CCDC7: variants seen among roughly 807,000 people sequenced by gnomAD.
CCDC7 encodes coiled-coil domain containing 7, also known as coiled-coil domain-containing protein 7.
CCDC7 carries 183 observed loss-of-function variants against 196.9 expected under a neutral mutation model. The observed-to-expected ratio is 0.93, with a 90% CI of 0.82 to 1.05. The LOEUF (loss-of-function observed/expected upper bound fraction) is 1.05, where lower values mean the gene tolerates loss of function less well. CCDC7 is among the 50% of genes least tolerant of loss of function. The probability of loss-of-function intolerance (pLI) is 0.00; values close to 1 mark genes in which losing one functional copy is unlikely to be tolerated. For synonymous variants in CCDC7, 525 were observed against 484.6 expected (o/e 1.08, Z -1.10); for missense variants, 1,540 against 1,482.2 (o/e 1.04, Z -0.64).
intron 11 of CCDC7, among the ~76,000 whole-genome samples, chr10:32,525,837 T>C (rs796351792): frequency 7.9e-5 from 12 of 152,340 alleles, no homozygotes; most frequent in African/African-American, 2.6e-4. Context: ...ACTTTTCTTT[T>C]TTTCCCTTAC....
exon 1 of CCDC7, chr10:32,451,742 G>A (rs2033124986): frequency 6.2e-7 from 1 of 1,614,070 alleles, no homozygotes; most frequent in Non-Finnish European, 8.5e-7. Flanking sequence ...ATTATCACCT[G>A]AGCTAAAGGA....
intron 13 of CCDC7, among the ~76,000 whole-genome samples, chr10:32,549,396 G>A (rs577005244): frequency 2.6e-5 from 4 of 152,110 alleles, no homozygotes; most frequent in Admixed American, 6.5e-5. Context: ...TCCTTTTGCC[G>A]TGCAAAAGCT....
intron 24 of CCDC7, among the ~76,000 whole-genome samples, chr10:32,704,505 A>G (rs1358651128): frequency 6.6e-6 from 1 of 152,156 alleles, no homozygotes; most frequent in Non-Finnish European, 1.5e-5. Flanking sequence ...CTCAAACTCC[A>G]TGCTGGGAGA....
At chr10:32,575,450 T>G (rs2058084404) in intron 16 of CCDC7, among the ~76,000 whole-genome samples, 1 of 152,142 alleles carries the variant, frequency 6.6e-6, no homozygotes, top group Non-Finnish European at 1.5e-5. Context: ...CTGTCATTAT[T>G]CCGTAGAGAA....
intron 9 of CCDC7, among the ~76,000 whole-genome samples, chr10:32,501,640 C>T (rs1426696489): frequency 5.3e-5 from 8 of 152,182 alleles, no homozygotes; most frequent in Non-Finnish European, 7.4e-5. Flanking sequence ...CCACTCCAGA[C>T]CCTGTTTGCC....
chr10:32,470,279 T>A (rs2037682786), intron 5 of CCDC7, among the ~76,000 whole-genome samples: 1 of 152,206 alleles, frequency 6.6e-6, no homozygotes, highest in Non-Finnish European at 1.5e-5. Flanking sequence ...GATGTCTACA[T>A]GGGTGGATCT....
chr10:32,451,908 A>C (rs1485613744), exon 1 of CCDC7: 1 of 1,611,684 alleles, frequency 6.2e-7, no homozygotes, highest in African/African-American at 1.3e-5. Flanking sequence ...AAAATTATCA[A>C]ACATCTGAAG....
chr10:32,795,941 C>G (rs1021050118), intron 29 of CCDC7, among the ~76,000 whole-genome samples: 1 of 152,158 alleles, frequency 6.6e-6, no homozygotes, highest in Non-Finnish European at 1.5e-5. Context: ...TAAATTTTCT[C>G]TTGCTGCGTT....
chr10:32,824,616 A>G lies in CCDC7; in HGVS notation c.3268+12A>G. The G allele has an allele frequency of 6.4e-7, 1 of 1,570,752 alleles. No individual in the cohort carries two copies. The highest frequency in any genetic ancestry group is 1.4e-5 in the African/African-American group (1 of 73,792). On this transcript the variant is annotated intron_variant, in intron 32 of 41. Coordinates refer to ENST00000639629, the Ensembl canonical transcript of CCDC7. ...AAAGAGTTACCCTGGTAAGAATAAG[A>G]ATTTTTAAAATCTACTTATGGTTTC...
At chr10:32,536,043 G>C (rs2050434898) in intron 11 of CCDC7, among the ~76,000 whole-genome samples, 2 of 152,148 alleles carry the variant, frequency 1.3e-5, no homozygotes, top group South Asian at 4.1e-4. Context: ...TTCAGCAAGA[G>C]AGAGAAAAGG....
At chr10:32,613,632 C>T (rs1328286305) in intron 18 of CCDC7, among the ~76,000 whole-genome samples, 2 of 152,142 alleles carry the variant, frequency 1.3e-5, no homozygotes, top group African/African-American at 4.8e-5. Context: ...TCATTTGTTT[C>T]CAAGAACTTA....
At chr10:32,671,864 C>T (rs980970603) in intron 21 of CCDC7, among the ~76,000 whole-genome samples, 2 of 152,070 alleles carry the variant, frequency 1.3e-5, no homozygotes, top group Non-Finnish European at 2.9e-5. Context: ...ACAAAGATTT[C>T]GAGGATCCTC....
intron 25 of CCDC7, chr10:32,725,329 G>T (rs1300427307): frequency 4.2e-6 from 2 of 470,738 alleles, no homozygotes; most frequent in Admixed American, 2.4e-5. Flanking sequence ...CCTACTAAAA[G>T]AATTTCATGA....
chr10:32,683,532 T>C (rs1446790710), intron 21 of CCDC7, among the ~76,000 whole-genome samples: 1 of 152,148 alleles, frequency 6.6e-6, no homozygotes, highest in Non-Finnish European at 1.5e-5. Flanking sequence ...TGTAGTTTGA[T>C]AGGAATAGCA....
intron 29 of CCDC7, among the ~76,000 whole-genome samples, chr10:32,801,779 G>C (rs745661996): frequency 6.6e-6 from 1 of 152,168 alleles, no homozygotes; most frequent in East Asian, 1.9e-4. Flanking sequence ...GCAGTGCAGG[G>C]TTAATTTCCT....
In CCDC7 at chr10:32,620,149, C is replaced by T. The variant is rs547816972; in HGVS notation, c.1802-14105C>T. 1.4e-3 allele frequency among the ~76,000 whole-genome samples: 218 copies of T among 151,854 alleles called. 1 individual carries two copies. The highest frequency in any genetic ancestry group is 5.0e-3 in the African/African-American group (207 of 41,364). On this transcript the variant is annotated intron_variant, in intron 18 of 41. Transcript: ENST00000639629. Reference sequence around the variant, plus strand: ...TGTTGGCCAGGCTGGTCTCGATCTCCTGGCCTCAAATGATCCACCCGTCTT... The same window carrying T: ...TGTTGGCCAGGCTGGTCTCGATCTCTTGGCCTCAAATGATCCACCCGTCTT...
At chr10:32,488,270 A>G (rs1220752067) in intron 8 of CCDC7, among the ~76,000 whole-genome samples, 2 of 152,208 alleles carry the variant, frequency 1.3e-5, no homozygotes, top group African/African-American at 4.8e-5. Flanking sequence ...CCGTGGGCGC[A>G]GGACCCTCCA....
At chr10:32,882,252 G>A (rs2094817217) in intron 22 of CCDC7, among the ~76,000 whole-genome samples, 1 of 152,242 alleles carries the variant, frequency 6.6e-6, no homozygotes, top group African/African-American at 2.4e-5. Context: ...CAAGTGTAGA[G>A]GGATTCTTGC....
At chr10:32,797,191 A>ATG (rs1565530602) in intron 29 of CCDC7, among the ~76,000 whole-genome samples, 5 of 148,800 alleles carry the variant, frequency 3.4e-5, no homozygotes, top group African/African-American at 1.0e-4. Context: ...GTATATATAT[A>ATG]CGTATATATA....
Sources: allele counts gnomAD v4.1 joint callset (sites outside exome capture counted in the v4.1 genomes callset), GRCh38; gene constraint gnomAD v4.1.1; transcripts MANE v1.5; gene names NCBI Gene and HGNC (gene_info 2026-07-23, HGNC 2026-07-21).